Variants in MCF2L observed in about 807,000 individuals in gnomAD.
The protein encoded by MCF2L is MCF.2 cell line derived transforming sequence like.
MCF2L carries 97 observed loss-of-function variants against 153.4 expected under a neutral mutation model. The ratio of observed to expected loss-of-function variants is 0.63; its 90% confidence interval spans 0.54 to 0.75. MCF2L has a LOEUF of 0.75. Among genes scored for constraint, MCF2L ranks in the 30% least tolerant of loss-of-function variants. The pLI is 0.00. For synonymous variants in MCF2L, 659 were observed against 632.2 expected (o/e 1.04, Z -0.64); for missense variants, 1,347 against 1,495.2 (o/e 0.90, Z 1.64).
At position 113,064,847 on chromosome 13, in the gene MCF2L, G is replaced by C. The variant is rs2032110200; in HGVS notation, c.607-89G>C. ...CGGTCTCACCTGATGGGTCTGTGTG[G>C]GAACGGTTTCCGCCGGTGTCTGCTT... On this transcript the variant is annotated intron_variant, in intron 6 of 29. Coordinates refer to ENST00000535094, the MANE Select transcript of MCF2L (RefSeq NM_001112732.3). This position sits in a 1 kb window ranked among gnomAD's most constrained non-coding sequence, Gnocchi z 6.0. The C allele has an allele frequency of 1.4e-6, 2 of 1,468,258 alleles. No homozygotes were observed. Among genetic ancestry groups the C allele is most frequent in the Non-Finnish European group, 1.9e-6 (2 of 1,079,278 alleles). The allele number at this position is 1,468,258 out of a possible 1,614,324, so 91.0% of individuals were successfully genotyped here.
chr13:112,896,014 G>A (rs1175006094), intron 1 of MCF2L, among the ~76,000 whole-genome samples: 1 of 152,244 alleles, frequency 6.6e-6, no homozygotes, highest in Non-Finnish European at 1.5e-5. Flanking sequence ...TGAAACCTGA[G>A]ATTGTGGGAA....
Position 113,064,738 on chromosome 13 carries a change from C to G in MCF2L, c.607-198C>G. On this transcript the variant is annotated intron_variant, in intron 6 of 29. Transcript: ENST00000535094. The surrounding 1 kb of genome is among the most constrained non-coding windows in gnomAD (Gnocchi z 6.0). ...CAGGCGACTCTAGGTGACGGGCACA[C>G]GTGTAGAGTGTGCCTGGTATGTTTC... is the stretch of plus-strand genomic sequence containing the variant. 1.6e-6 allele frequency: 1 copy of G among 622,180 alleles called. No homozygotes were observed. Among genetic ancestry groups the G allele is most frequent in the South Asian group, 2.0e-5 (1 of 49,968 alleles). 38.5% of individuals were successfully genotyped at this position (622,180 alleles called of 1,614,324 possible).
In MCF2L at chr13:113,050,268, GTGTGAGAC is replaced by G. The variant is rs1023350481; in HGVS notation, c.369+4914_369+4921del. Among the ~76,000 whole-genome samples, 36 of 75,288 alleles carry G rather than the reference GTGTGAGAC, an allele frequency of 4.8e-4. No homozygotes were observed. The Middle Eastern group carries it at 0.034, about 70-fold the overall frequency. The allele number at this position is 75,288 out of a possible 152,430, so 49.4% of individuals were successfully genotyped here. The stretch of plus-strand genomic sequence containing the variant: ...CGCGAGTGGGAGTGTAAGTGAATGT[GTGTGAGAC>G]TGTGAGTGTGAGAGTGTGTGTGTGT... On this transcript the variant is annotated intron_variant, in intron 4 of 29. Transcript: ENST00000535094.
chr13:112,917,712 C>G (rs1328333856), intron 2 of MCF2L, among the ~76,000 whole-genome samples: 1 of 152,252 alleles, frequency 6.6e-6, no homozygotes, highest in South Asian at 2.1e-4. Flanking sequence ...TCTTCCTGTT[C>G]AGCTCTGACC....
chr13:113,089,541 C>T, intron 25 of MCF2L, 69 bp from the exon 26 acceptor site: 3 of 1,011,630 alleles, frequency 3.0e-6, no homozygotes, highest in Non-Finnish European at 4.7e-6. Flanking sequence ...TGCCTCAGGT[C>T]CTCAGGGCGT....
At chr13:112,971,795 G>T (rs1240933967) in intron 1 of MCF2L, among the ~76,000 whole-genome samples, 1 of 152,128 alleles carries the variant, frequency 6.6e-6, no homozygotes, top group African/African-American at 2.4e-5. Context: ...ACTTCCCCCT[G>T]GCCCCCCTTC....
Position 113,046,207 on chromosome 13 carries a change from C to G in MCF2L, c.369+846C>G, listed in dbSNP as rs1366594514. The G allele has an allele frequency of 4.9e-6, 1 of 204,426 alleles. No homozygotes were observed. Among genetic ancestry groups the G allele is most frequent in the Admixed American group, 5.7e-5 (1 of 17,442 alleles). 12.7% of individuals were successfully genotyped at this position (204,426 alleles called of 1,614,324 possible). A position where few individuals can be genotyped will look rare whatever the true frequency, so the allele number is the denominator to read the frequency against. On this transcript the variant is annotated intron_variant, in intron 4 of 29. Coordinates refer to ENST00000535094, the MANE Select transcript of MCF2L (RefSeq NM_001112732.3). The surrounding 1 kb of genome is among the most constrained non-coding windows in gnomAD (Gnocchi z 4.4). ...CCCGGCATGGAGCATTTTTCACCCA[C>G]GCTCGCTCTCCCCGCCTGTCCGTCC...
chr13:112,998,946 G>A (rs1190080028), intron 1 of MCF2L, among the ~76,000 whole-genome samples: 5 of 152,208 alleles, frequency 3.3e-5, no homozygotes, highest in Non-Finnish European at 7.3e-5. Flanking sequence ...TGGGTGGGGA[G>A]CCCTCAGTCT....
chr13:112,986,252 C>T (rs1002881823), intron 1 of MCF2L, among the ~76,000 whole-genome samples: 10 of 152,248 alleles, frequency 6.6e-5, no homozygotes, highest in African/African-American at 1.2e-4. Context: ...GGCGCTTTCC[C>T]GGGGCCCAGA....
intron 2 of MCF2L, among the ~76,000 whole-genome samples, chr13:112,930,616 C>A (rs978718686): frequency 6.6e-6 from 1 of 152,214 alleles, no homozygotes; most frequent in Non-Finnish European, 1.5e-5. Flanking sequence ...AAAACCCATA[C>A]AGATGCACAG....
chr13:113,064,882 C>G lies in MCF2L; in HGVS notation c.607-54C>G. 6.4e-7 allele frequency: 1 copy of G among 1,565,276 alleles called. No individual in the cohort carries two copies. Among genetic ancestry groups the G allele is most frequent in the Non-Finnish European group, 8.7e-7 (1 of 1,152,328 alleles). On this transcript the variant is annotated intron_variant, in intron 6 of 29. Coordinates refer to ENST00000535094, the MANE Select transcript of MCF2L (RefSeq NM_001112732.3). This position sits in a 1 kb window ranked among gnomAD's most constrained non-coding sequence, Gnocchi z 6.0. ...CCGCCGGTGTCTGCTTTCAGGGCAG[C>G]AGGAGGTGGGTGCAGTGCACAAGGC...
chr13:112,917,217 G>A (rs1429389332), intron 2 of MCF2L: 26 of 469,718 alleles, frequency 5.5e-5, no homozygotes, highest in South Asian at 4.0e-4. Context: ...GCACCGCCCT[G>A]CCTCCGCAGA....
chr13:112,906,585 C>T (rs1327336969), intron 2 of MCF2L, among the ~76,000 whole-genome samples: 1 of 152,250 alleles, frequency 6.6e-6, no homozygotes, highest in South Asian at 2.1e-4. Flanking sequence ...CACCAGTGCC[C>T]GCTCTGCCGT....
At chr13:112,897,975 AGCCCCAGCCCCG>A (rs1183004264) in intron 1 of MCF2L, among the ~76,000 whole-genome samples, 6 of 145,184 alleles carry the variant, frequency 4.1e-5, no homozygotes, top group South Asian at 2.1e-4. Flanking sequence ...TGGCCCGTCC[AGCCCCAGCCCCG>A]GCCCCGGCCC....
At chr13:112,974,403 G>A (rs1372710206) in intron 1 of MCF2L, among the ~76,000 whole-genome samples, 1 of 152,142 alleles carries the variant, frequency 6.6e-6, no homozygotes, top group Non-Finnish European at 1.5e-5. Flanking sequence ...CCCCGGCGTG[G>A]CCAACCTCAT....
rs1359263686 is a variant in MCF2L, at chr13:113,087,219, G to A, written c.2374-16G>A. The A allele has an allele frequency of 1.9e-6, 3 of 1,606,568 alleles. No individual in the cohort carries two copies. The highest frequency in any genetic ancestry group is 1.7e-5 in the Admixed American group (1 of 59,926). ...CCCATCCCGTCCTGAACACAGCCCT[G>A]CTGTCGCACATTTAGGGGAATCTCG... On this transcript the variant is annotated splice_polypyrimidine_tract_variant and intron_variant, in intron 21 of 29. Transcript: ENST00000535094.
exon 2 of MCF2L, chr13:112,902,264 C>G (rs772586901): frequency 6.2e-7 from 1 of 1,612,840 alleles, no homozygotes; most frequent in Non-Finnish European, 8.5e-7. Context: ...TATTCTTCCC[C>G]ACAACGGCCC....
chr13:113,041,412 G>A (rs573939929), intron 3 of MCF2L, among the ~76,000 whole-genome samples: 3 of 152,270 alleles, frequency 2.0e-5, no homozygotes, highest in Admixed American at 1.3e-4. Flanking sequence ...GGGGAATCAC[G>A]TGGCCCTGCC....
At chr13:112,961,120 G>GTTGCACCTGCTATGCCTCCACA (rs1481812770) in intron 2 of MCF2L, among the ~76,000 whole-genome samples, 2 of 151,876 alleles carry the variant, frequency 1.3e-5, no homozygotes, top group Non-Finnish European at 2.9e-5. Flanking sequence ...ATGCCTCCAC[G>GTTGCACCTGCTATGCCTCCACA]TTGCACCTGT....
Sources: allele counts gnomAD v4.1 joint callset (sites outside exome capture counted in the v4.1 genomes callset), GRCh38; gene constraint gnomAD v4.1.1; non-coding constraint Gnocchi (gnomAD v3.1); transcripts MANE v1.5; gene names NCBI Gene and HGNC (gene_info 2026-07-23, HGNC 2026-07-21).